The following KCNJ16 variants were observed in gnomAD, a reference collection of about 807,000 sequenced individuals.
KCNJ16 encodes inward rectifier potassium channel 16.
A neutral mutation model predicts 18.5 loss-of-function variants in KCNJ16; 15 were observed. The ratio of observed to expected loss-of-function variants is 0.81; its 90% CI spans 0.54 to 1.25. The LOEUF (loss-of-function observed/expected upper bound fraction) is 1.25, where lower values mean the gene tolerates loss of function less well. Among genes scored for constraint, KCNJ16 ranks in the 50% most tolerant of loss-of-function variants. The pLI is 0.00. For synonymous variants in KCNJ16, 174 were observed against 186.5 expected (o/e 0.93, Z 0.55); for missense variants, 523 against 525.7 (o/e 0.99, Z 0.05).
At chr17:70,100,852 C>T (rs111658149) in intron 2 of KCNJ16, 86 bp downstream of exon 2, 6 of 152,316 alleles carry the variant, frequency 3.9e-5, no homozygotes, top group Middle Eastern at 3.4e-3. Flanking sequence ...TTTATCCCTA[C>T]GCATTTTTCC....
intron 2 of KCNJ16, among the ~76,000 whole-genome samples, chr17:70,129,761 AT>A (rs1332146002): frequency 1.3e-5 from 2 of 152,140 alleles, no homozygotes; most frequent in African/African-American, 4.8e-5. Context: ...ACACACTCAA[AT>A]TTGTTCACTT....
rs2074031823 is a variant in KCNJ16 at position 70,130,885 on chromosome 17, C to G, written c.-184C>G. The G allele has an allele frequency of 7.7e-7, 1 of 1,295,602 alleles. No homozygotes were observed. The highest frequency in any genetic ancestry group is 1.1e-6 in the Non-Finnish European group (1 of 927,894). 80.3% of individuals were successfully genotyped at this position (1,295,602 alleles called of 1,614,324 possible). ...TTTTGTTTGTTTTGCACAGGAGTAA[C>G]TCAAGATGATTTTGATGTTGCAGTT... On this transcript the variant is annotated 5_prime_UTR_variant, in exon 3 of 4. Coordinates refer to ENST00000392671, the MANE Select transcript of KCNJ16 (RefSeq NM_170741.4).
intron 1 of KCNJ16, among the ~76,000 whole-genome samples, chr17:70,092,296 G>A (rs1298403233): frequency 6.6e-6 from 1 of 152,084 alleles, no homozygotes; most frequent in East Asian, 1.9e-4. Flanking sequence ...GATACCATGT[G>A]AAGTCAAAGA....
intron 1 of KCNJ16, among the ~76,000 whole-genome samples, chr17:70,100,386 A>C (rs1351811891): frequency 6.6e-6 from 1 of 151,984 alleles, no homozygotes; most frequent in East Asian, 1.9e-4. Flanking sequence ...TCATTTGTGG[A>C]TCTTCCATCT....
chr17:70,108,583 G>T (rs910260199), intron 2 of KCNJ16, among the ~76,000 whole-genome samples: 2 of 151,968 alleles, frequency 1.3e-5, no homozygotes, highest in Non-Finnish European at 2.9e-5. Flanking sequence ...TTTGAAGGAG[G>T]GTCCTGTTCC....
At chr17:70,076,322 T>C (rs1244278308) in intron 1 of KCNJ16, among the ~76,000 whole-genome samples, 1 of 152,162 alleles carries the variant, frequency 6.6e-6, no homozygotes, top group Non-Finnish European at 1.5e-5. Context: ...CCACTCTTTA[T>C]GTCAGATTTT....
intron 2 of KCNJ16, among the ~76,000 whole-genome samples, chr17:70,117,562 T>C (rs2073460877): frequency 6.6e-6 from 1 of 152,136 alleles, no homozygotes; most frequent in South Asian, 2.1e-4. Context: ...GTTTATAAGC[T>C]GGTATCTGCA....
intron 1 of KCNJ16, among the ~76,000 whole-genome samples, chr17:70,100,197 T>C (rs569207923): frequency 1.8e-4 from 28 of 152,308 alleles, no homozygotes; most frequent in South Asian, 6.2e-4. Flanking sequence ...ACTTAAAATT[T>C]TCAGTTGGAT....
intron 2 of KCNJ16, among the ~76,000 whole-genome samples, chr17:70,115,606 T>G (rs2073370206): frequency 6.6e-6 from 1 of 152,088 alleles, no homozygotes; most frequent in Non-Finnish European, 1.5e-5. Context: ...TTTAATATGG[T>G]TTGGAATGGG....
intron 2 of KCNJ16, chr17:70,128,913 C>G (rs2073958359): frequency 6.6e-6 from 1 of 152,242 alleles, no homozygotes; most frequent in Admixed American, 6.5e-5. Flanking sequence ...TATAAAGTCT[C>G]CTGTAAACAG....
chr17:70,086,798 T>C (rs2071818113), intron 1 of KCNJ16, among the ~76,000 whole-genome samples: 1 of 152,236 alleles, frequency 6.6e-6, no homozygotes, highest in African/African-American at 2.4e-5. Context: ...TTTTGTGCAT[T>C]GTTGGTACAA....
intron 1 of KCNJ16, among the ~76,000 whole-genome samples, chr17:70,078,383 G>A (rs1164976065): frequency 6.6e-6 from 1 of 152,044 alleles, no homozygotes; most frequent in Non-Finnish European, 1.5e-5. Context: ...ACCTTAACAT[G>A]TTCCAAAAAG....
At chr17:70,127,827 C>G (rs577732012) in intron 2 of KCNJ16, among the ~76,000 whole-genome samples, 11 of 152,334 alleles carry the variant, frequency 7.2e-5, no homozygotes, top group African/African-American at 2.6e-4. Flanking sequence ...AGGTCCTTTA[C>G]ATGGTAAAGA....
chr17:70,128,963 G>A (rs1234007925), intron 2 of KCNJ16: 1 of 152,248 alleles, frequency 6.6e-6, no homozygotes, highest in African/African-American at 2.4e-5. Context: ...GCAGTACGCG[G>A]ACGGCCTCTC....
chr17:70,097,261 C>T lies in KCNJ16; in HGVS notation c.-299-3397C>T, dbSNP rs577283325. On this transcript the variant is annotated intron_variant, in intron 1 of 3. Coordinates refer to ENST00000392671, the MANE Select transcript of KCNJ16 (RefSeq NM_170741.4). ...ACCCATGCGCCCCCGTCTCCCCACT[C>T]TTGTCAGGATTTGTCCTGGGAAGTT... is the stretch of plus-strand genomic sequence containing the variant. 2.0e-5 allele frequency among the ~76,000 whole-genome samples: 3 copies of T among 152,260 alleles called. No homozygotes were observed. In the East Asian group the frequency reaches 5.8e-4, roughly 29 times the overall value.
chr17:70,078,944 C>A (rs4141237), intron 1 of KCNJ16, among the ~76,000 whole-genome samples: 136,569 of 152,182 alleles, frequency 0.9, 61,407 homozygotes, highest in East Asian at 1. Context: ...CTCTATTACA[C>A]GATTTTCCAC....
At chr17:70,102,086 G>C (rs981436188) in intron 2 of KCNJ16, 1 of 151,984 alleles carries the variant, frequency 6.6e-6, no homozygotes, top group African/African-American at 2.4e-5. Flanking sequence ...CCAGTGGTTA[G>C]TAACATCACA....
At chr17:70,127,453 G>A (rs1458627033) in intron 2 of KCNJ16, among the ~76,000 whole-genome samples, 1 of 7,756 alleles carries the variant, frequency 1.3e-4, no homozygotes, top group Non-Finnish European at 2.1e-4. Flanking sequence ...GCAAGAAGTT[G>A]TAAAACAGGT....
At chr17:70,079,491 T>A (rs2071458030) in intron 1 of KCNJ16, among the ~76,000 whole-genome samples, 1 of 152,154 alleles carries the variant, frequency 6.6e-6, no homozygotes, top group South Asian at 2.1e-4. Context: ...AAATTAAACA[T>A]CACAATAACA....
Sources: gnomAD v4.1 joint callset for allele counts (sites outside exome capture counted in the v4.1 genomes callset) on GRCh38, gnomAD v4.1.1 for gene constraint, MANE v1.5 for transcripts, NCBI Gene and HGNC (gene_info 2026-07-23, HGNC 2026-07-21) for gene names.